Variants in SLC2A9 observed in about 807,000 individuals in gnomAD.
The protein encoded by SLC2A9 is solute carrier family 2 member 9, also known as solute carrier family 2, facilitated glucose transporter member 9.
SLC2A9 carries 39 observed loss-of-function variants against 50.6 expected under a neutral mutation model. The ratio of observed to expected loss-of-function variants is 0.77; its 90% CI spans 0.60 to 1.01. The LOEUF (loss-of-function observed/expected upper bound fraction) is 1.01, where lower values mean the gene tolerates loss of function less well. Ranked by LOEUF, SLC2A9 falls within the 50% of genes least tolerant of loss-of-function variation. The pLI is 0.00. For synonymous variants in SLC2A9, 324 were observed against 276.9 expected (o/e 1.17, Z -1.69); for missense variants, 686 against 677.6 (o/e 1.01, Z -0.14).
intron 11 of SLC2A9, among the ~76,000 whole-genome samples, chr4:9,828,788 T>C (rs866617850): frequency 6.6e-6 from 1 of 152,238 alleles, no homozygotes; most frequent in Non-Finnish European, 1.5e-5. Context: ...CTCATCACTA[T>C]GCAGCATTAT....
In SLC2A9 at chr4:9,834,878, T is replaced by C. The variant is rs1726769126; in HGVS notation, c.1419+3A>G. On this transcript the variant is annotated splice_donor_region_variant and intron_variant, in intron 11 of 11. Transcript: ENST00000264784. ...TGGGCAAAAGACTCCTTGTCAGTCA[T>C]ACCTGAATGAATGGGAAGAGGAGCC... is the stretch of plus-strand genomic sequence containing the variant. 1.2e-6 allele frequency: 2 copies of C among 1,614,032 alleles called. No individual in the cohort carries two copies. The highest frequency in any genetic ancestry group is 1.7e-6 in the Non-Finnish European group (2 of 1,180,024).
intron 4 of SLC2A9, among the ~76,000 whole-genome samples, chr4:9,980,939 C>T (rs1341499370): frequency 6.6e-6 from 1 of 152,046 alleles, no homozygotes; most frequent in Non-Finnish European, 1.5e-5. Flanking sequence ...ACTGGAGGTG[C>T]ATTTCAGAGG....
rs1434576950 is a variant in SLC2A9, at chr4:9,784,344, C to A, written n.386-4279G>T. On this transcript the variant is annotated intron_variant and non_coding_transcript_variant, in intron 3 of 3. Transcript: ENST00000503803. Reference sequence around the variant, plus strand: ...TAAGACAACTCTCCTTATTCCTAGACAGATGCGATCAGTTCATTGAAAAGA... The same window carrying A: ...TAAGACAACTCTCCTTATTCCTAGAAAGATGCGATCAGTTCATTGAAAAGA... Among the ~76,000 whole-genome samples the A allele has an allele frequency of 6.6e-5, 10 of 152,158 alleles. No individual in the cohort carries two copies. In the East Asian group the frequency reaches 1.9e-3, roughly 29 times the overall value.
At chr4:9,838,022 T>G (rs1032814443) in intron 10 of SLC2A9, among the ~76,000 whole-genome samples, 1 of 152,168 alleles carries the variant, frequency 6.6e-6, no homozygotes, top group African/African-American at 2.4e-5. Context: ...TTTGTGAGCA[T>G]GAAATGAACT....
chr4:9,845,478 G>GGA (rs1316501090), intron 10 of SLC2A9, among the ~76,000 whole-genome samples: 1 of 127,344 alleles, frequency 7.9e-6, no homozygotes, highest in East Asian at 2.2e-4. Context: ...CGCCCAGGCT[G>GGA]GAGTGCAGTG....
At chr4:9,797,201 G>T (rs1194210006), downstream of SLC2A9, among the ~76,000 whole-genome samples, 1 of 152,130 alleles carries the variant, frequency 6.6e-6, no homozygotes, top group South Asian at 2.1e-4. Flanking sequence ...CAAGGACAAA[G>T]GTGGCCCCAG....
intron 5 of SLC2A9, among the ~76,000 whole-genome samples, chr4:9,968,197 ATCT>A (rs1214502189): frequency 6.6e-6 from 1 of 152,124 alleles, no homozygotes; most frequent in Non-Finnish European, 1.5e-5. Context: ...TTAAAATGCT[ATCT>A]TCTTCTTAAA....
At chr4:10,000,261 A>G (rs189976676) in intron 2 of SLC2A9, among the ~76,000 whole-genome samples, 6 of 152,188 alleles carry the variant, frequency 3.9e-5, no homozygotes, top group South Asian at 4.1e-4. Context: ...CATTCAACAA[A>G]CATGTGCTGA....
chr4:9,848,792 C>T (rs1729410720), intron 10 of SLC2A9, among the ~76,000 whole-genome samples: 2 of 151,420 alleles, frequency 1.3e-5, no homozygotes, highest in African/African-American at 4.9e-5. Flanking sequence ...GCAAGCTCCA[C>T]CTCCCAGTTT....
chr4:9,957,694 A>G lies in SLC2A9; in HGVS notation c.682-15649T>C, dbSNP rs545451919. 7.2e-5 allele frequency among the ~76,000 whole-genome samples: 11 copies of G among 152,318 alleles called. No homozygotes were observed. The East Asian group carries it at 1.7e-3, about 24-fold the overall frequency. On this transcript the variant is annotated intron_variant, in intron 5 of 11. Transcript: ENST00000264784. ...CCTTAGAAATTAAAAATATGATAAA[A>G]TAATAAAAATACAGTGGACAAGTTG...
intron 3 of SLC2A9, among the ~76,000 whole-genome samples, chr4:9,809,376 T>C (rs765422596): frequency 6.6e-6 from 1 of 152,168 alleles, no homozygotes; most frequent in South Asian, 2.1e-4. Context: ...TTAGTGAGGA[T>C]TGGAGCGAAC....
At chr4:9,814,137 C>T (rs1300968136) in intron 3 of SLC2A9, among the ~76,000 whole-genome samples, 1 of 151,834 alleles carries the variant, frequency 6.6e-6, no homozygotes, top group African/African-American at 2.4e-5. Flanking sequence ...GAGACTCCAT[C>T]GCAAAAATGA....
At chr4:9,958,600 C>A (rs1190093735) in intron 5 of SLC2A9, among the ~76,000 whole-genome samples, 1 of 152,136 alleles carries the variant, frequency 6.6e-6, no homozygotes, top group African/African-American at 2.4e-5. Context: ...TGTAACAAAC[C>A]TGCATGTTCT....
At chr4:9,974,848 C>G (rs1578148945) in intron 5 of SLC2A9, among the ~76,000 whole-genome samples, 1 of 152,202 alleles carries the variant, frequency 6.6e-6, no homozygotes, top group Non-Finnish European at 1.5e-5. Context: ...TACCTGACCT[C>G]AAGCCATACT....
At position 9,782,397 on chromosome 4, in the gene SLC2A9, G is replaced by A. The variant is rs749213890; in HGVS notation, n.386-2332C>T. 4.3e-6 allele frequency: 7 copies of A among 1,613,924 alleles called. No individual in the cohort carries two copies. The Admixed American group carries it at 1.0e-4, about 23-fold the overall frequency. On this transcript the variant is annotated intron_variant and non_coding_transcript_variant, in intron 3 of 3. Coordinates refer to the SLC2A9 transcript ENST00000503803. Reference sequence around the variant, plus strand: ...GTCTGGGTGGCCTTCGACATCATGTGCTCCACTGCCTCCATCCTGAACCTG... The same window carrying A: ...GTCTGGGTGGCCTTCGACATCATGTACTCCACTGCCTCCATCCTGAACCTG...
intron 10 of SLC2A9, among the ~76,000 whole-genome samples, chr4:9,873,949 A>G (rs1733863914): frequency 6.6e-6 from 1 of 152,130 alleles, no homozygotes; most frequent in Non-Finnish European, 1.5e-5. Context: ...CAGACTTTTT[A>G]AACACCAGTG....
At chr4:9,813,258 C>T (rs953400685) in intron 3 of SLC2A9, among the ~76,000 whole-genome samples, 7 of 152,168 alleles carry the variant, frequency 4.6e-5, no homozygotes, top group African/African-American at 1.4e-4. Context: ...TAGACCAAAA[C>T]CATCAACCAG....
chr4:10,027,105 T>C (rs13141233), intron 1 of SLC2A9, among the ~76,000 whole-genome samples: 66,813 of 151,868 alleles, frequency 0.44, 16,294 homozygotes, highest in South Asian at 0.59. Flanking sequence ...ATTTCATTTA[T>C]ATGAAATGTC....
At chr4:9,832,961 G>A (rs1040056683) in intron 11 of SLC2A9, among the ~76,000 whole-genome samples, 15 of 152,174 alleles carry the variant, frequency 9.9e-5, no homozygotes, top group African/African-American at 3.6e-4. Context: ...CTGCTTCTCG[G>A]ACATACAAAT....
Sources: gnomAD v4.1 joint callset for allele counts (sites outside exome capture counted in the v4.1 genomes callset) on GRCh38, gnomAD v4.1.1 for gene constraint, MANE v1.5 for transcripts, NCBI Gene and HGNC (gene_info 2026-07-23, HGNC 2026-07-21) for gene names.